Variants in SFXN5 observed in about 807,000 individuals in gnomAD.
SFXN5 encodes sideroflexin 5.
SFXN5 carries 43 observed loss-of-function variants against 50.2 expected under a neutral mutation model. The observed-to-expected ratio is 0.86, with a 90% confidence interval of 0.67 to 1.11. SFXN5 has a LOEUF of 1.11. SFXN5 is among the 50% of genes least tolerant of loss of function. The pLI is 0.00. For missense variants in SFXN5, 463 were observed against 454.1 expected, an observed-to-expected ratio of 1.02 and a Z score of -0.18; for synonymous variants, 203 against 185.8, an observed-to-expected ratio of 1.09 and a Z score of -0.75.
At chr2:73,011,683 G>A (rs749730525) in intron 6 of SFXN5, among the ~76,000 whole-genome samples, 1 of 152,178 alleles carries the variant, frequency 6.6e-6, no homozygotes, top group Non-Finnish European at 1.5e-5. Context: ...TCTTTTTGGT[G>A]TTTATGGAAA....
intron 2 of SFXN5, 93 bp downstream of exon 2, chr2:73,058,435 T>C: frequency 8.3e-7 from 1 of 1,209,802 alleles, no homozygotes; most frequent in Non-Finnish European, 1.2e-6. Context: ...TTCTCTTCAC[T>C]CCCCCATCCT....
At chr2:72,998,851 T>G (rs894886622) in intron 9 of SFXN5, 98 bp downstream of exon 9, 24 of 1,358,314 alleles carry the variant, frequency 1.8e-5, no homozygotes, top group Non-Finnish European at 2.1e-5. Flanking sequence ...CCCAAATCCT[T>G]GCCTGGCCTG....
At chr2:73,050,707 T>C (rs1681192769) in intron 2 of SFXN5, among the ~76,000 whole-genome samples, 1 of 152,212 alleles carries the variant, frequency 6.6e-6, no homozygotes, top group East Asian at 1.9e-4. Context: ...CATTCTCGCA[T>C]TGTCTTAATG....
At chr2:73,053,897 G>A (rs577496486) in intron 2 of SFXN5, among the ~76,000 whole-genome samples, 63 of 152,298 alleles carry the variant, frequency 4.1e-4, no homozygotes, top group Admixed American at 1.3e-3. Context: ...CCAGCCAAGG[G>A]CCCTGGGAGG....
intron 6 of SFXN5, among the ~76,000 whole-genome samples, chr2:73,009,360 A>T (rs960634977): frequency 2.0e-5 from 3 of 152,194 alleles, no homozygotes; most frequent in African/African-American, 7.2e-5. Flanking sequence ...AAGACGAGGC[A>T]GTGGCCCAGG....
At chr2:72,996,183 G>A (rs1334539149) in intron 9 of SFXN5, among the ~76,000 whole-genome samples, 1 of 152,202 alleles carries the variant, frequency 6.6e-6, no homozygotes, top group Admixed American at 6.5e-5. Context: ...GGACTTGTGA[G>A]GAGGGAGAGT....
At chr2:73,058,688 TC>T in intron 1 of SFXN5, 92 bp from the exon 2 acceptor site, 2 of 1,179,990 alleles carry the variant, frequency 1.7e-6, no homozygotes, top group Non-Finnish European at 2.5e-6. Context: ...ATGATTGGGG[TC>T]CCCCGGTCCC....
chr2:73,024,697 G>A (rs966560099), intron 3 of SFXN5, among the ~76,000 whole-genome samples: 1 of 152,182 alleles, frequency 6.6e-6, no homozygotes, highest in Admixed American at 6.5e-5. Context: ...CCAAAGGCCA[G>A]TATATTTTTT....
At chr2:72,989,524 G>T (rs1672321320) in intron 9 of SFXN5, among the ~76,000 whole-genome samples, 1 of 152,078 alleles carries the variant, frequency 6.6e-6, no homozygotes, top group South Asian at 2.1e-4. Context: ...CGGATGGGGT[G>T]ACTGCACCTT....
intron 10 of SFXN5, among the ~76,000 whole-genome samples, chr2:72,984,042 C>T (rs996714899): frequency 2.0e-5 from 3 of 152,236 alleles, no homozygotes; most frequent in Admixed American, 2.0e-4. Context: ...CTCCTGAACA[C>T]AATTAGGCGT....
rs1345558518 is a variant in SFXN5 at position 73,040,813 on chromosome 2, C to G, written c.249+41G>C. On this transcript the variant is annotated intron_variant, in intron 3 of 13. Coordinates refer to ENST00000272433, the MANE Select transcript of SFXN5 (RefSeq NM_144579.3). ...GGTTTGTGAATTTCTCACTTTCCTT[C>G]CCTTCCCCACTGGCCATGCTCCCAC... is the stretch of plus-strand genomic sequence containing the variant. 2.6e-6 allele frequency: 4 copies of G among 1,517,524 alleles called. No homozygotes were observed. In the East Asian group the frequency reaches 9.1e-5, roughly 35 times the overall value. 94.0% of individuals were successfully genotyped at this position (1,517,524 alleles called of 1,614,324 possible).
chr2:72,963,692 T>C (rs1271609633), intron 12 of SFXN5, among the ~76,000 whole-genome samples: 1 of 152,170 alleles, frequency 6.6e-6, no homozygotes, highest in Non-Finnish European at 1.5e-5. Flanking sequence ...GGCTGTGGCC[T>C]GGGCCCGGAG....
At chr2:73,015,581 A>C (rs939615857) in intron 6 of SFXN5, among the ~76,000 whole-genome samples, 1 of 151,998 alleles carries the variant, frequency 6.6e-6, no homozygotes, top group Non-Finnish European at 1.5e-5. Flanking sequence ...TGGCCTCTCA[A>C]AGTGCTGGGA....
Position 72,964,415 on chromosome 2 carries a change from G to C in SFXN5, c.828-3167C>G, listed in dbSNP as rs539788147. 5.9e-5 allele frequency among the ~76,000 whole-genome samples: 9 copies of C among 152,352 alleles called. No individual in the cohort carries two copies. In the South Asian group the frequency reaches 1.7e-3, roughly 28 times the overall value. On this transcript the variant is annotated intron_variant, in intron 12 of 13. Coordinates refer to ENST00000272433, the MANE Select transcript of SFXN5 (RefSeq NM_144579.3). ...CCCTGCAAAGAGCAAAAGAGCTGCT[G>C]GATGGTGCAAAATGCAAAGCCCCAA...
intron 13 of SFXN5, chr2:72,956,831 A>C: frequency 3.0e-6 from 1 of 330,048 alleles, no homozygotes; most frequent in African/African-American, 2.2e-5. Context: ...CCTCCATCTC[A>C]CAGTTTCTTT....
intron 3 of SFXN5, among the ~76,000 whole-genome samples, chr2:73,025,244 T>C (rs1677411247): frequency 6.6e-6 from 1 of 151,876 alleles, no homozygotes; most frequent in South Asian, 2.1e-4. Context: ...GCTCTGTCCC[T>C]GGTGCGACCC....
At chr2:73,001,629 G>A (rs566213619) in intron 6 of SFXN5, 51 bp from the exon 7 acceptor site, 11 of 1,586,502 alleles carry the variant, frequency 6.9e-6, no homozygotes, top group Non-Finnish European at 9.5e-6. Flanking sequence ...AACATCCTAT[G>A]CTTTTGCAAA....
chr2:73,052,942 C>T (rs1681571283), intron 2 of SFXN5, among the ~76,000 whole-genome samples: 1 of 152,246 alleles, frequency 6.6e-6, no homozygotes, highest in African/African-American at 2.4e-5. Flanking sequence ...CTCTGGGAGG[C>T]CAAGGCGGGC....
chr2:73,018,221 A>AAAGG (rs1204220828), intron 6 of SFXN5, among the ~76,000 whole-genome samples: 2 of 151,886 alleles, frequency 1.3e-5, no homozygotes, highest in African/African-American at 2.4e-5. Context: ...AAAGAAAGAA[A>AAAGG]AAGGAAGGAA....
Sources: allele counts gnomAD v4.1 joint callset (sites outside exome capture counted in the v4.1 genomes callset), GRCh38; gene constraint gnomAD v4.1.1; transcripts MANE v1.5; gene names NCBI Gene and HGNC (gene_info 2026-07-23, HGNC 2026-07-21).